The following SBF1 variants were observed in gnomAD, a reference collection of about 807,000 sequenced individuals.
SBF1 encodes the protein myotubularin-related protein 5.
In SBF1, 65 loss-of-function variants were observed where a neutral mutation model predicts 215.8. That is an observed-to-expected ratio of 0.30 (90% confidence interval 0.25 to 0.37). SBF1 has a LOEUF of 0.37. Ranked by LOEUF, SBF1 falls within the 10% of genes least tolerant of loss-of-function variation. The pLI, the probability that SBF1 is intolerant of heterozygous loss-of-function variation, is 1.00. For synonymous variants in SBF1, 1,410 were observed against 1,122.8 expected, an observed-to-expected ratio of 1.26 and a Z score of -5.11; for missense variants, 2,634 against 2,667.8, an observed-to-expected ratio of 0.99 and a Z score of 0.28.
Position 50,462,683 on chromosome 22 carries a change from C to T in SBF1, c.2003G>A (p.Ser668Asn). The T allele has an allele frequency of 6.2e-7, 1 of 1,612,306 alleles. No homozygotes were observed. Among genetic ancestry groups the T allele is most frequent in the Non-Finnish European group, 8.5e-7 (1 of 1,179,530 alleles). The part of the protein sequence containing the change: ...LSPGVTQFAY[S>N]CVQEHVVWST... ...CCACACCACGTGCTCCTGCACACAG[C>T]TGTATGCAAACTGCGTCACCCCCGG... Residue 668 changes from serine to asparagine, a missense_variant, in exon 18 of 41, where the codon AGC (serine) becomes AAC (asparagine). Coordinates refer to ENST00000380817, the MANE Select transcript of SBF1 (RefSeq NM_002972.4).
rs767522366 is a variant in SBF1 at position 50,459,407 on chromosome 22, G to T, written c.3689-15C>A. The T allele has an allele frequency of 6.2e-7, 1 of 1,611,860 alleles. No homozygotes were observed. Among genetic ancestry groups the T allele is most frequent in the Admixed American group, 1.7e-5 (1 of 59,958 alleles). On this transcript the variant is annotated splice_polypyrimidine_tract_variant and intron_variant, in intron 27 of 40. Coordinates refer to ENST00000380817, the MANE Select transcript of SBF1 (RefSeq NM_002972.4). ...CTGGGACTGGCCTGGGGGAGGACAC[G>T]GAGCTGAGGGAGGGGAGGGTGAGAT... is the stretch of plus-strand genomic sequence containing the variant.
At chr22:50,457,680 G>C (rs969221583) in intron 28 of SBF1, among the ~76,000 whole-genome samples, 1 of 152,260 alleles carries the variant, frequency 6.6e-6, no homozygotes, top group African/African-American at 2.4e-5. Context: ...CTGAGTCCCA[G>C]GCTGAGGTTT....
intron 1 of SBF1, among the ~76,000 whole-genome samples, chr22:50,469,561 G>A (rs2148610164): frequency 6.6e-6 from 1 of 152,320 alleles, no homozygotes; most frequent in Middle Eastern, 3.4e-3. Flanking sequence ...GGCTTGTGGA[G>A]GATGGAGCAG....
At chr22:50,458,518 G>GTT (rs1482665568) in intron 28 of SBF1, among the ~76,000 whole-genome samples, 2 of 152,122 alleles carry the variant, frequency 1.3e-5, no homozygotes, top group African/African-American at 4.8e-5. Context: ...GCCACTCAGG[G>GTT]TTTCTGGCAG....
At position 50,465,315 on chromosome 22, in the gene SBF1, C is replaced by T. The variant is rs1263232072; in HGVS notation, c.1103G>A (p.Arg368His). 1.1e-5 allele frequency: 18 copies of T among 1,593,906 alleles called. No homozygotes were observed. The highest frequency in any genetic ancestry group is 2.3e-5 in the East Asian group (1 of 44,114). ...SSLKMQDKEL[R>H]AVFLRLFAQL... ...AGCGAACAGCCGCAGGAAGACCGCG[C>T]GCAGCTCCTTGTCCTGGGAGAAGAG... The change falls in exon 11 of 41, where the codon CGC becomes CAC. Residue 368 changes from arginine to histidine, a missense_variant. Arg to His is a conservative substitution (Grantham distance 29). Transcript: ENST00000380817.
rs758712336 is a variant in SBF1, at chr22:50,468,429, G to A, written c.88C>T (p.Arg30Cys). 3.1e-6 allele frequency: 5 copies of A among 1,611,776 alleles called. No homozygotes were observed. The highest frequency in any genetic ancestry group is 3.4e-6 in the Non-Finnish European group (4 of 1,178,886). Residue 30 changes from arginine to cysteine, a missense_variant, in exon 2 of 41, where the codon CGC (arginine) becomes TGC (cysteine). Arg to Cys is a radical substitution (Grantham distance 180). Transcript: ENST00000380817. ...SGEGQGQILQ[R>C]FPEKDWEDNP... ...TCCTCCCAGTCCTTCTCTGGGAAGC[G>A]CTGCAGAATCTGGCCCTGGCCTTCC...
At chr22:50,452,928 A>C (rs916836220) in intron 36 of SBF1, among the ~76,000 whole-genome samples, 6 of 152,088 alleles carry the variant, frequency 3.9e-5, no homozygotes, top group African/African-American at 1.4e-4. Context: ...AGAGATGTAC[A>C]GCTCAACTCA....
intron 1 of SBF1, among the ~76,000 whole-genome samples, chr22:50,471,526 T>G (rs2067994975): frequency 6.6e-6 from 1 of 152,196 alleles, no homozygotes; most frequent in African/African-American, 2.4e-5. Context: ...CCTGGCCGGC[T>G]CTGCTGCTTG....
Position 50,462,277 on chromosome 22 carries a change from T to C in SBF1, c.2324A>G (p.Lys775Arg), listed in dbSNP as rs556408484. 1 of 1,612,742 alleles carries C rather than the reference T, an allele frequency of 6.2e-7. No homozygotes were observed. Residue 775 changes from lysine to arginine, a missense_variant, in exon 19 of 41, where the codon AAG (lysine) becomes AGG (arginine). Transcript: ENST00000380817. ...GGCACGCTCCCGAAGTAGGCGGCTC[T>C]TGCTGCTGTCCAGGGGCAGGAGGAG... ...SYLLLPLDSS[K>R]SRLLRERAGL...
rs202197736 is a variant in SBF1, at chr22:50,448,395, G to A, written c.5201C>T (p.Ser1734Leu). 3.8e-5 allele frequency: 61 copies of A among 1,613,792 alleles called. No individual in the cohort carries two copies. The highest frequency in any genetic ancestry group is 1.5e-4 in the African/African-American group (11 of 74,938). The change falls in exon 38 of 41, where the codon TCG (serine) becomes TTG (leucine). Residue 1734 changes from serine (S) to leucine (L), a missense_variant. Physicochemically the swap from Ser to Leu is moderately radical, Grantham distance 145. Coordinates refer to ENST00000380817, the MANE Select transcript of SBF1 (RefSeq NM_002972.4). ...LVSTAPHHRR[S>L]LGVYLQEGPV... ...CCCCTCCTGCAGGTACACACCCAGC[G>A]AGCGACGGTGGTGGGGTGCGGTGGA...
intron 1 of SBF1, among the ~76,000 whole-genome samples, chr22:50,470,231 G>A (rs184887590): frequency 4.6e-5 from 7 of 151,450 alleles, no homozygotes; most frequent in Non-Finnish European, 7.4e-5. Context: ...TTCTTGCCAC[G>A]AGGCAGCAGG....
chr22:50,461,534 G>A lies in SBF1; in HGVS notation c.2828C>T (p.Thr943Met), dbSNP rs987368963. The stretch of plus-strand genomic sequence containing the variant: ...GTCTGCAGGCTCACCCAGGGGGTCC[G>A]TGGGCATCCCCGTGAAGATGACCCG... ...TYRVIFTGMPTDPLVGEQVVV... is the reference protein window; with the variant it reads ...TYRVIFTGMPMDPLVGEQVVV... Residue 943 changes from threonine to methionine, a missense_variant, in exon 22 of 41, where the codon ACG becomes ATG. By Grantham distance (81) the Thr-to-Met change is moderately conservative (BLOSUM62 -1). Transcript: ENST00000380817. 6.9e-6 allele frequency: 11 copies of A among 1,599,824 alleles called. No homozygotes were observed. Among genetic ancestry groups the A allele is most frequent in the African/African-American group, 4.0e-5 (3 of 74,814 alleles).
Position 50,455,578 on chromosome 22 carries a change from T to C in SBF1, c.4271A>G (p.His1424Arg). ...CAGCACAGACACCTGCAGCAGCTTG[T>C]GGATCTGCAGGGACAGGCGGCCTCA... Reference protein sequence around the residue: ...LEDSEWLIQIHKLLQVSVLVV... With the variant: ...LEDSEWLIQIRKLLQVSVLVV... The change falls in exon 32 of 41, where the codon CAC becomes CGC. Residue 1424 changes from histidine to arginine, a missense_variant. Physicochemically the swap from His to Arg is conservative, Grantham distance 29 (BLOSUM62 0). Transcript: ENST00000380817. The C allele has an allele frequency of 1.3e-6, 2 of 1,574,206 alleles. No individual in the cohort carries two copies. Among genetic ancestry groups the C allele is most frequent in the Non-Finnish European group, 1.7e-6 (2 of 1,159,746 alleles).
At chr22:50,459,871 GC>G (rs1322733888) in intron 26 of SBF1, 80 bp downstream of exon 26, 3 of 1,505,446 alleles carry the variant, frequency 2.0e-6, no homozygotes, top group Admixed American at 1.7e-5. Flanking sequence ...ATGACCAGAA[GC>G]CGTGGCCCAG....
At chr22:50,456,979 G>C in intron 29 of SBF1, 55 bp downstream of exon 29, 1 of 1,336,132 alleles carries the variant, frequency 7.5e-7, no homozygotes, top group Non-Finnish European at 9.8e-7. Flanking sequence ...GTGCACACTA[G>C]AGGCCGCCAG....
chr22:50,469,707 C>T (rs1035385994), intron 1 of SBF1, among the ~76,000 whole-genome samples: 2 of 152,264 alleles, frequency 1.3e-5, no homozygotes, highest in Admixed American at 1.3e-4. Context: ...ATGGGCAAGG[C>T]GGGGGTCATG....
chr22:50,449,342 C>T (rs576691195), intron 36 of SBF1, among the ~76,000 whole-genome samples: 27 of 151,868 alleles, frequency 1.8e-4, no homozygotes, highest in Non-Finnish European at 3.4e-4. Flanking sequence ...TAGGGCCAGG[C>T]GCGGTGGCTC....
rs373336150 is a variant in SBF1, at chr22:50,446,979, C to A, written c.*163G>T. 4.2e-6 allele frequency: 3 copies of A among 720,614 alleles called. No homozygotes were observed. Among genetic ancestry groups the A allele is most frequent in the African/African-American group, 3.6e-5 (2 of 55,992 alleles). The allele number at this position is 720,614 out of a possible 1,614,324, so 44.6% of individuals were successfully genotyped here. On this transcript the variant is annotated 3_prime_UTR_variant, in exon 41 of 41. Transcript: ENST00000380817. ...GACGCCAAAATAAGTTAGGGCCGGC[C>A]GGGCGGGGCGGGGCGGGGACGGGGG...
chr22:50,459,537 C>T lies in SBF1; in HGVS notation c.3621G>A (p.Leu1207=), dbSNP rs1424563726. The change falls in exon 27 of 41, where the codon CTG becomes CTA. Residue 1207 remains leucine (L), a synonymous_variant. Coordinates refer to ENST00000380817, the MANE Select transcript of SBF1 (RefSeq NM_002972.4). ...CTTTGCCATGCAGGCCTCCAGAGCG[C>T]AGCAGCACCGCCTTGGACCGCCCGC... ...WRSGRSKAVL[L]RSGGLHGKGV... is the part of the protein sequence containing the mutation. 6.2e-7 allele frequency: 1 copy of T among 1,610,272 alleles called. No homozygotes were observed. The highest frequency in any genetic ancestry group is 2.2e-5 in the East Asian group (1 of 44,900).
Sources: allele counts gnomAD v4.1 joint callset (sites outside exome capture counted in the v4.1 genomes callset), GRCh38; gene constraint gnomAD v4.1.1; transcripts MANE v1.5; gene names NCBI Gene and HGNC (gene_info 2026-07-23, HGNC 2026-07-21).